U2SURP: variants seen among roughly 807,000 people sequenced by gnomAD.
The protein encoded by U2SURP is U2 snRNP associated SURP domain containing, also known as U2 snRNP-associated SURP motif-containing protein.
In U2SURP, 9 loss-of-function variants were observed where a neutral mutation model predicts 144.9. The observed-to-expected ratio is 0.06, with a 90% CI of 0.04 to 0.11. The LOEUF (loss-of-function observed/expected upper bound fraction) is 0.11. Ranked by LOEUF, U2SURP falls within the 10% of genes least tolerant of loss-of-function variation. The probability of loss-of-function intolerance (pLI) is 1.00; values close to 1 mark genes in which losing one functional copy is unlikely to be tolerated. For synonymous variants in U2SURP, 408 were observed against 396.8 expected (o/e 1.03, Z -0.33); for missense variants, 724 against 1,226.7 (o/e 0.59, Z 6.12).
intron 12 of U2SURP, 101 bp downstream of exon 12, chr3:143,023,165 C>A: frequency 9.2e-7 from 1 of 1,088,768 alleles, no homozygotes; most frequent in Non-Finnish European, 1.3e-6. Context: ...GTGTGTAATT[C>A]TGTTTGGCAA....
At chr3:143,050,640 C>A (rs940212083) in intron 24 of U2SURP, among the ~76,000 whole-genome samples, 1 of 152,092 alleles carries the variant, frequency 6.6e-6, no homozygotes, top group African/African-American at 2.4e-5. Flanking sequence ...AGCAACCTTG[C>A]TTTTCTAATT....
At chr3:143,056,242 C>A (rs192811497) in intron 27 of U2SURP, 70 bp from the exon 28 acceptor site, 1 of 1,468,764 alleles carries the variant, frequency 6.8e-7, no homozygotes, top group Non-Finnish European at 9.1e-7. Context: ...CATTTTCGAT[C>A]GTTTAAGGAT....
rs900473042 is a variant in U2SURP, at chr3:143,003,987, G to A, written c.45+2314G>A. Among the ~76,000 whole-genome samples the A allele has an allele frequency of 2.6e-5, 4 of 152,232 alleles. No individual in the cohort carries two copies. In the South Asian group the frequency reaches 8.3e-4, roughly 32 times the overall value. ...TTACAGGCGTGAGCCACCGTGCCCC[G>A]CCCTGCTTCCCTGCTTTTTATTTCT... On this transcript the variant is annotated intron_variant, in intron 1 of 27. Coordinates refer to ENST00000473835, the MANE Select transcript of U2SURP (RefSeq NM_001080415.2).
intron 6 of U2SURP, 68 bp from the exon 7 acceptor site, chr3:143,019,901 T>C (rs1194627189): frequency 2.5e-6 from 2 of 812,148 alleles, no homozygotes; most frequent in African/African-American, 1.8e-5. Flanking sequence ...GTAAAAAGGC[T>C]CTTATTATTG....
chr3:143,032,171 C>T (rs1933540047), intron 16 of U2SURP, among the ~76,000 whole-genome samples: 1 of 152,000 alleles, frequency 6.6e-6, no homozygotes, highest in Admixed American at 6.6e-5. Context: ...CTCCCAGGTT[C>T]AAGCAATTCT....
intron 18 of U2SURP, among the ~76,000 whole-genome samples, 159 bp downstream of exon 18, chr3:143,033,509 T>C (rs552840842): frequency 1.2e-4 from 18 of 152,276 alleles, no homozygotes; most frequent in African/African-American, 3.4e-4. Flanking sequence ...CAACCATGAA[T>C]TGAAAATATT....
chr3:143,016,155 G>T, intron 4 of U2SURP, 102 bp from the exon 5 acceptor site: 1 of 913,784 alleles, frequency 1.1e-6, no homozygotes, highest in Admixed American at 2.1e-5. Flanking sequence ...GCTTAACCTG[G>T]GAAGGGAGGG....
At chr3:143,045,037 A>G (rs1394131777) in intron 24 of U2SURP, among the ~76,000 whole-genome samples, 1 of 152,038 alleles carries the variant, frequency 6.6e-6, no homozygotes, top group Non-Finnish European at 1.5e-5. Context: ...CACCTTTTCA[A>G]CCTACACATG....
chr3:143,028,065 C>A (rs1015364371), intron 14 of U2SURP, among the ~76,000 whole-genome samples: 7 of 152,132 alleles, frequency 4.6e-5, no homozygotes, highest in African/African-American at 1.7e-4. Flanking sequence ...TTGCCAGACA[C>A]AGTATCTGCC....
intron 24 of U2SURP, among the ~76,000 whole-genome samples, chr3:143,045,953 A>G (rs1237360255): frequency 2.6e-5 from 4 of 152,218 alleles, no homozygotes; most frequent in African/African-American, 7.2e-5. Context: ...GCTTTTCACA[A>G]CTAGCTCTCT....
chr3:143,052,542 A>G (rs189565388), intron 25 of U2SURP, among the ~76,000 whole-genome samples: 3 of 152,356 alleles, frequency 2.0e-5, no homozygotes. Context: ...GAGAGAAGGA[A>G]TATGGTCCTT....
intron 3 of U2SURP, 47 bp from the exon 4 acceptor site, chr3:143,014,264 G>A: frequency 7.7e-7 from 1 of 1,305,928 alleles, no homozygotes; most frequent in Non-Finnish European, 1.1e-6. Flanking sequence ...TAAAGTTTTA[G>A]ATAGCATTAA....
intron 25 of U2SURP, among the ~76,000 whole-genome samples, chr3:143,051,909 A>G (rs1427422267): frequency 6.6e-6 from 1 of 152,264 alleles, no homozygotes; most frequent in Non-Finnish European, 1.5e-5. Context: ...ACTCTTCATT[A>G]TAAGTATTTT....
chr3:143,027,119 C>G (rs1365971404), intron 13 of U2SURP, 30 bp from the exon 14 acceptor site: 3 of 1,533,910 alleles, frequency 2.0e-6, no homozygotes, highest in Non-Finnish European at 2.7e-6. Context: ...AGGTCTGAAT[C>G]CATTTTCTTT....
chr3:143,045,366 C>CAAAAAAAAAAAA (rs11356372), intron 24 of U2SURP, among the ~76,000 whole-genome samples: 1 of 75,424 alleles, frequency 1.3e-5, no homozygotes, highest in Non-Finnish European at 2.5e-5. Context: ...GAGACGCCGT[C>CAAAAAAAAAAAA]AAAAAAAAAA....
chr3:143,037,915 T>C (rs1437865171), intron 21 of U2SURP, among the ~76,000 whole-genome samples, 193 bp from the exon 22 acceptor site: 2 of 152,196 alleles, frequency 1.3e-5, no homozygotes, highest in East Asian at 1.9e-4. Context: ...TGAATTGATA[T>C]ATATACTGTT....
At chr3:143,048,013 TG>T (rs1333206794) in intron 24 of U2SURP, among the ~76,000 whole-genome samples, 2 of 152,210 alleles carry the variant, frequency 1.3e-5, no homozygotes, top group African/African-American at 4.8e-5. Flanking sequence ...CCAACAAGGT[TG>T]GAAGAGTAGA....
chr3:143,047,890 C>CG (rs1560204612), intron 24 of U2SURP, among the ~76,000 whole-genome samples: 1 of 136,074 alleles, frequency 7.3e-6, no homozygotes, highest in Non-Finnish European at 1.6e-5. Context: ...TGACCCCCCC[C>CG]AACCTCCCTC....
At chr3:143,038,635 G>A (rs1933935594) in intron 22 of U2SURP, among the ~76,000 whole-genome samples, 1 of 151,906 alleles carries the variant, frequency 6.6e-6, no homozygotes. Flanking sequence ...CTATTTGTAG[G>A]TTCTAATGAA....
Sources: gnomAD v4.1 joint callset for allele counts (sites outside exome capture counted in the v4.1 genomes callset) on GRCh38, gnomAD v4.1.1 for gene constraint, MANE v1.5 for transcripts, NCBI Gene and HGNC (gene_info 2026-07-23, HGNC 2026-07-21) for gene names.